The following PRDM15 variants were observed in gnomAD, a reference collection of about 807,000 sequenced individuals.
PRDM15 encodes PR domain zinc finger protein 15.
A neutral mutation model predicts 128.6 loss-of-function variants in PRDM15; 64 were observed. The observed-to-expected ratio is 0.50, with a 90% CI of 0.41 to 0.61. The LOEUF (loss-of-function observed/expected upper bound fraction) is 0.61. PRDM15 is among the 20% of genes least tolerant of loss of function. The probability of loss-of-function intolerance (pLI) is 0.00; values close to 1 mark genes in which losing one functional copy is unlikely to be tolerated. For synonymous variants in PRDM15, 615 were observed against 621.8 expected, an observed-to-expected ratio of 0.99 and a Z score of 0.16; for missense variants, 1,242 against 1,569.1, an observed-to-expected ratio of 0.79 and a Z score of 3.52.
chr21:41,864,386 T>A (rs2063927325), intron 1 of PRDM15, among the ~76,000 whole-genome samples: 1 of 152,112 alleles, frequency 6.6e-6, no homozygotes, highest in African/African-American at 2.4e-5. Context: ...CAAGCCACAG[T>A]TTTTAGGCTT....
intron 6 of PRDM15, among the ~76,000 whole-genome samples, chr21:41,841,456 AC>A (rs1271024150): frequency 1.3e-5 from 2 of 152,266 alleles, no homozygotes; most frequent in African/African-American, 4.8e-5. Context: ...ATATTTTGAG[AC>A]AAAGACTGAA....
intron 1 of PRDM15, among the ~76,000 whole-genome samples, chr21:41,866,186 C>T (rs1343633154): frequency 6.6e-6 from 1 of 152,222 alleles, no homozygotes; most frequent in Non-Finnish European, 1.5e-5. Context: ...CCTTCTTCAC[C>T]TCCAGATAAT....
intron 4 of PRDM15, among the ~76,000 whole-genome samples, chr21:41,855,734 G>A (rs1366636683): frequency 2.0e-5 from 3 of 152,222 alleles, no homozygotes; most frequent in Non-Finnish European, 4.4e-5. Flanking sequence ...GGGCACAAAA[G>A]ACTTCTTTAA....
intron 5 of PRDM15, among the ~76,000 whole-genome samples, chr21:41,847,540 G>A (rs2146716449): frequency 6.6e-6 from 1 of 152,168 alleles, no homozygotes; most frequent in East Asian, 1.9e-4. Context: ...CATTCCTCAA[G>A]AACCAAGTGT....
chr21:41,869,315 C>T (rs1170778586), intron 1 of PRDM15, among the ~76,000 whole-genome samples: 21 of 152,324 alleles, frequency 1.4e-4, no homozygotes, highest in Non-Finnish European at 2.6e-4. Flanking sequence ...GAGTCTCACT[C>T]TGTCGCCCAG....
rs112436019 is a variant in PRDM15 at position 41,820,577 on chromosome 21, G to C, written c.2061-403C>G. 3.7e-3 allele frequency among the ~76,000 whole-genome samples: 558 copies of C among 152,324 alleles called. 2 individuals carry two copies. The highest frequency in any genetic ancestry group is 0.013 in the African/African-American group (533 of 41,588). On this transcript the variant is annotated intron_variant, in intron 16 of 23. Transcript: ENST00000398548. ...GGCCAAGGAGAGAAGTGTCAGAGGA[G>C]GCGGCCCTGCCGCCACCGTGACCCC...
In PRDM15 at chr21:41,828,476, C is replaced by G; in HGVS notation, c.1367-143G>C. ...ATGCGTGGCCAGGAAGAAAACAGCACCTGTGTGTCATACACTGTCTACCCC... is the reference window on the plus strand; with the variant it reads ...ATGCGTGGCCAGGAAGAAAACAGCAGCTGTGTGTCATACACTGTCTACCCC... On this transcript the variant is annotated intron_variant, in intron 11 of 23. Transcript: ENST00000398548. The surrounding 1 kb of genome is among the most constrained non-coding windows in gnomAD (Gnocchi z 5.7). The G allele has an allele frequency of 1.2e-6, 1 of 807,374 alleles. No homozygotes were observed. Among genetic ancestry groups the G allele is most frequent in the East Asian group, 2.4e-5 (1 of 40,952 alleles). The allele number at this position is 807,374 out of a possible 1,614,324, so 50.0% of individuals were successfully genotyped here.
intron 8 of PRDM15, 49 bp downstream of exon 8, chr21:41,837,885 C>T: frequency 6.2e-7 from 1 of 1,609,218 alleles, no homozygotes; most frequent in Non-Finnish European, 8.5e-7. Flanking sequence ...CTGGCTGCTG[C>T]CAGCATTGTC....
chr21:41,822,902 G>A (rs972129098), intron 14 of PRDM15, among the ~76,000 whole-genome samples: 1 of 152,162 alleles, frequency 6.6e-6, no homozygotes, highest in South Asian at 2.1e-4. Context: ...GGACATTATG[G>A]TGGATGCTTA....
Position 41,815,715 on chromosome 21 carries a change from C to T in PRDM15, c.2382G>A (p.Lys794=). 6.2e-7 allele frequency: 1 copy of T among 1,613,734 alleles called. No homozygotes were observed. Among genetic ancestry groups the T allele is most frequent in the Non-Finnish European group, 8.5e-7 (1 of 1,179,944 alleles). ...GGGCCTCGGACTCACCCGTGTGCCG[C>T]TTGCAGTGCTTGAGCATGTTGACCT... The part of the protein sequence containing the change: ...AQKVNMLKHC[K]RHTGIKDFMC... Residue 794 remains lysine (K), a synonymous_variant, in exon 19 of 24, where the codon AAG becomes AAA. Transcript: ENST00000398548.
At chr21:41,878,933 G>T (rs1376297830) in intron 1 of PRDM15, 4 of 953,448 alleles carry the variant, frequency 4.2e-6, no homozygotes, top group Non-Finnish European at 3.7e-6. Flanking sequence ...GCGGGCGGGC[G>T]GGGGGCGCGA....
At chr21:41,877,229 G>A in intron 1 of PRDM15, 1 of 151,750 alleles carries the variant, frequency 6.6e-6, no homozygotes, top group Non-Finnish European at 1.5e-5. Context: ...CCCGCCACCT[G>A]CCTGCCCTCC....
At position 41,859,598 on chromosome 21, in the gene PRDM15, C is replaced by T. The variant is rs2063748409; in HGVS notation, c.125G>A (p.Arg42Lys). 1 of 1,613,792 alleles carries T rather than the reference C, an allele frequency of 6.2e-7. No homozygotes were observed. ...GCTCACGGCGGTCACTCACCTTGCCCTGCTTAACACAAAGGAGTCTTTGAC... is the reference window on the plus strand; with the variant it reads ...GCTCACGGCGGTCACTCACCTTGCCTTGCTTAACACAAAGGAGTCTTTGAC... ...VMVKDSFVLS[R>K]ARSSLPPNLE... Residue 42 changes from arginine (R) to lysine (K), a missense_variant, in exon 3 of 24, where the codon AGG (arginine) becomes AAG (lysine). This residue lies in a region of PRDM15 where 612 missense variants were observed against 717.0 expected (regional missense o/e 0.85). Coordinates refer to ENST00000398548, the MANE Select transcript of PRDM15 (RefSeq NM_001040424.3). This position sits in a 1 kb window ranked among gnomAD's most constrained non-coding sequence, Gnocchi z 5.3.
chr21:41,868,624 GTATTAA>G (rs971919833), intron 1 of PRDM15, among the ~76,000 whole-genome samples: 7 of 151,000 alleles, frequency 4.6e-5, no homozygotes, highest in Admixed American at 1.3e-4. Context: ...TAGGCCACAT[GTATTAA>G]TATTAATAAA....
In PRDM15 at chr21:41,803,170, T is replaced by C; in HGVS notation, c.2734-249A>G. 4 of 545,360 alleles carry C rather than the reference T, an allele frequency of 7.3e-6. No individual in the cohort carries two copies. The South Asian group carries it at 8.5e-5, about 12-fold the overall frequency. 33.8% of individuals were successfully genotyped at this position (545,360 alleles called of 1,614,324 possible). A position where few individuals can be genotyped will look rare whatever the true frequency, so the allele number is the denominator to read the frequency against. ...TATTTTTAAAAGTTGTATTTTATGCTAAAATGTAAACACTTCTTAGAAACT... is the reference window on the plus strand; with the variant it reads ...TATTTTTAAAAGTTGTATTTTATGCCAAAATGTAAACACTTCTTAGAAACT... On this transcript the variant is annotated intron_variant, in intron 22 of 23. Transcript: ENST00000398548.
At chr21:41,817,486 A>C (rs563264132) in intron 18 of PRDM15, among the ~76,000 whole-genome samples, 2 of 152,324 alleles carry the variant, frequency 1.3e-5, no homozygotes, top group East Asian at 3.9e-4. Context: ...ACACTGACTA[A>C]TTCCCTGGTC....
chr21:41,836,740 TC>T, intron 8 of PRDM15, 91 bp from the exon 9 acceptor site: 1 of 1,029,218 alleles, frequency 9.7e-7, no homozygotes, highest in Non-Finnish European at 1.4e-6. Flanking sequence ...TTCCAAAACT[TC>T]CCAGCTAATC....
intron 21 of PRDM15, among the ~76,000 whole-genome samples, chr21:41,807,892 G>A (rs1252460583): frequency 6.6e-6 from 1 of 152,194 alleles, no homozygotes; most frequent in Non-Finnish European, 1.5e-5. Context: ...GGTTGGGCTT[G>A]AGGGGAGTGG....
At chr21:41,853,096 C>T (rs2063478324) in intron 5 of PRDM15, among the ~76,000 whole-genome samples, 1 of 152,252 alleles carries the variant, frequency 6.6e-6, no homozygotes, top group Non-Finnish European at 1.5e-5. Flanking sequence ...GACACCCTGA[C>T]CGTGGGCGTG....
Sources: allele counts gnomAD v4.1 joint callset (sites outside exome capture counted in the v4.1 genomes callset), GRCh38; gene constraint gnomAD v4.1.1; regional missense constraint gnomAD v4.1.1; non-coding constraint Gnocchi (gnomAD v3.1); transcripts MANE v1.5; gene names NCBI Gene and HGNC (gene_info 2026-07-23, HGNC 2026-07-21).